Variants in SDC2 observed in about 807,000 individuals in gnomAD.
SDC2 encodes syndecan 2.
A neutral mutation model predicts 22.2 loss-of-function variants in SDC2; 13 were observed. The observed-to-expected ratio is 0.59, with a 90% confidence interval of 0.38 to 0.93. The LOEUF is 0.93. Among genes scored for constraint, SDC2 ranks in the 40% least tolerant of loss-of-function variants. SDC2 has a pLI of 0.00. For missense variants in SDC2, 235 were observed against 246.8 expected (o/e 0.95, Z 0.32); for synonymous variants, 94 against 92.8 (o/e 1.01, Z -0.07).
At chr8:96,524,238 T>C (rs905219281) in intron 1 of SDC2, among the ~76,000 whole-genome samples, 7 of 152,194 alleles carry the variant, frequency 4.6e-5, no homozygotes, top group Non-Finnish European at 5.9e-5. Flanking sequence ...TAAAATAAAA[T>C]TGATGGCTTT....
intron 1 of SDC2, among the ~76,000 whole-genome samples, chr8:96,540,472 C>CT (rs141983982): frequency 0.57 from 82,550 of 145,614 alleles, 25,180 homozygotes; most frequent in Non-Finnish European, 0.7. Context: ...ATCCGAGCTA[C>CT]TGCACTCCAA....
chr8:96,558,898 C>T (rs908814100), intron 1 of SDC2, among the ~76,000 whole-genome samples: 15 of 152,014 alleles, frequency 9.9e-5, no homozygotes, highest in Non-Finnish European at 1.3e-4. Context: ...AAGTGATGCA[C>T]GGTAGTAAAG....
intron 1 of SDC2, among the ~76,000 whole-genome samples, chr8:96,511,038 G>A (rs1019950172): frequency 6.6e-6 from 1 of 152,078 alleles, no homozygotes; most frequent in Admixed American, 6.5e-5. Context: ...ACAGCTCCTC[G>A]GACCTTGTTA....
chr8:96,605,060 C>T (rs767983079), intron 3 of SDC2, among the ~76,000 whole-genome samples: 18 of 152,162 alleles, frequency 1.2e-4, no homozygotes, highest in African/African-American at 2.9e-4. Context: ...CTGGATTGCA[C>T]GCTTTGTTCA....
At chr8:96,602,843 G>A (rs1333393882) in intron 3 of SDC2, among the ~76,000 whole-genome samples, 1 of 152,254 alleles carries the variant, frequency 6.6e-6, no homozygotes, top group East Asian at 1.9e-4. Context: ...AGGAACGTCT[G>A]AAGCCCAGTT....
intron 1 of SDC2, among the ~76,000 whole-genome samples, chr8:96,540,340 G>GTATATATATATATAAATA (rs1813826183): frequency 8.1e-6 from 1 of 123,668 alleles, no homozygotes; most frequent in African/African-American, 3.0e-5. Context: ...ATATATATGT[G>GTATATATATATATAAATA]TATATATATA....
At chr8:96,609,246 A>C in intron 4 of SDC2, 139 bp from the exon 5 acceptor site, 1 of 639,862 alleles carries the variant, frequency 1.6e-6, no homozygotes, top group Admixed American at 3.7e-5. Context: ...AGGTTGCTTC[A>C]TTGAATCCAG....
chr8:96,514,328 A>C (rs910778338), intron 1 of SDC2, among the ~76,000 whole-genome samples: 3 of 152,206 alleles, frequency 2.0e-5, no homozygotes, highest in African/African-American at 4.8e-5. Context: ...GAAGAGAGAC[A>C]GAGGGCCCAC....
intron 3 of SDC2, among the ~76,000 whole-genome samples, chr8:96,603,160 C>A (rs181193584): frequency 1.3e-4 from 20 of 152,284 alleles, no homozygotes; most frequent in African/African-American, 4.6e-4. Context: ...GTTAGCTGAC[C>A]ATCCACTAAT....
intron 1 of SDC2, among the ~76,000 whole-genome samples, chr8:96,580,115 G>A (rs1372037744): frequency 6.6e-6 from 1 of 152,194 alleles, no homozygotes; most frequent in Non-Finnish European, 1.5e-5. Flanking sequence ...TGGGGGCTGC[G>A]CTGCAATGTG....
intron 1 of SDC2, among the ~76,000 whole-genome samples, chr8:96,518,248 T>G (rs1220596423): frequency 2.0e-5 from 3 of 152,162 alleles, no homozygotes; most frequent in Non-Finnish European, 4.4e-5. Context: ...TATTTTAATT[T>G]TTAATGGTAA....
chr8:96,527,755 A>G (rs755720119), intron 1 of SDC2, among the ~76,000 whole-genome samples: 7 of 152,234 alleles, frequency 4.6e-5, no homozygotes, highest in Non-Finnish European at 8.8e-5. Flanking sequence ...AATGGAGTGC[A>G]AGAATTAATG....
In SDC2 at chr8:96,494,241, A is replaced by C. The variant is rs1490180866; in HGVS notation, c.-31A>C. On this transcript the variant is annotated 5_prime_UTR_variant, in exon 1 of 5. Coordinates refer to ENST00000302190, the MANE Select transcript of SDC2 (RefSeq NM_002998.4). ...GCTTCGTTTTGCCCTGGTTGCAAGC[A>C]GCGGCTGGGAGCAGCCGGTCCCTGG... 2.2e-5 allele frequency: 34 copies of C among 1,540,582 alleles called. No homozygotes were observed. The East Asian group carries it at 8.3e-4, about 38-fold the overall frequency.
In SDC2 at chr8:96,593,575, T is replaced by G. The variant is rs1291245952; in HGVS notation, c.156T>G (p.Ala52=). 3.1e-6 allele frequency: 5 copies of G among 1,611,652 alleles called. No individual in the cohort carries two copies. Among genetic ancestry groups the G allele is most frequent in the Non-Finnish European group, 4.2e-6 (5 of 1,177,902 alleles). The part of the protein sequence containing the change: ...GVYPIDDDDY[A]SASGSGADED... Reference sequence around the variant, plus strand: ...ATCCTATTGATGACGATGACTACGCTTCTGCGTCTGGCTCGGGTAAGGTGG... The same window carrying G: ...ATCCTATTGATGACGATGACTACGCGTCTGCGTCTGGCTCGGGTAAGGTGG... Residue 52 remains alanine (A), a synonymous_variant, in exon 2 of 5, where the codon GCT becomes GCG. Transcript: ENST00000302190.
At chr8:96,575,411 T>C (rs1332992837) in intron 1 of SDC2, among the ~76,000 whole-genome samples, 1 of 152,084 alleles carries the variant, frequency 6.6e-6, no homozygotes, top group African/African-American at 2.4e-5. Context: ...GGAGAGTTTC[T>C]GAGATTCAGG....
rs1220674689 is a variant in SDC2 at position 96,540,357 on chromosome 8, A to ATATATATATATATAT, written c.60+46026_60+46027insTATATATATATATAT. Among the ~76,000 whole-genome samples the ATATATATATATATAT allele has an allele frequency of 1.7e-3, 143 of 82,134 alleles. 1 individual carries two copies. The Middle Eastern group carries it at 0.025, about 15-fold the overall frequency. The allele number at this position is 82,134 out of a possible 152,430, so 53.9% of individuals were successfully genotyped here. On this transcript the variant is annotated intron_variant, in intron 1 of 4. Transcript: ENST00000302190. ...ATATATGTGTATATATATATATATAAAAATTAGTCGGGTGTGGCAGTGTTT... is the reference window on the plus strand; with the variant it reads ...ATATATGTGTATATATATATATATAATATATATATATATATAAATTAGTCGGGTGTGGCAGTGTTT...
At chr8:96,596,842 C>T (rs939669767) in intron 2 of SDC2, among the ~76,000 whole-genome samples, 2 of 152,200 alleles carry the variant, frequency 1.3e-5, no homozygotes, top group Non-Finnish European at 2.9e-5. Flanking sequence ...TGGGGACAGA[C>T]TTGGCAGGCT....
At chr8:96,571,366 G>T in intron 1 of SDC2, among the ~76,000 whole-genome samples, 1 of 152,318 alleles carries the variant, frequency 6.6e-6, no homozygotes, top group South Asian at 2.1e-4. Flanking sequence ...GAGGTGGGAT[G>T]AAGTTAGGAT....
At position 96,610,779 on chromosome 8, in the gene SDC2, T is replaced by A. The variant is rs1370459245; in HGVS notation, c.*1231T>A. The A allele has an allele frequency of 6.6e-6, 1 of 152,656 alleles. No individual in the cohort carries two copies. Among genetic ancestry groups the A allele is most frequent in the Non-Finnish European group, 1.5e-5 (1 of 68,030 alleles). The allele number at this position is 152,656 out of a possible 1,614,324, so 9.5% of individuals were successfully genotyped here. A position where few individuals can be genotyped will look rare whatever the true frequency, so the allele number is the denominator to read the frequency against. On this transcript the variant is annotated 3_prime_UTR_variant, in exon 5 of 5. Coordinates refer to ENST00000302190, the MANE Select transcript of SDC2 (RefSeq NM_002998.4). Reference sequence around the variant, plus strand: ...GTCTGTAAATCAAGACCAAAGAGCCTGTCGATGAGACTGTTTATTACCAGA... The same window carrying A: ...GTCTGTAAATCAAGACCAAAGAGCCAGTCGATGAGACTGTTTATTACCAGA...
Sources: gnomAD v4.1 joint callset for allele counts (sites outside exome capture counted in the v4.1 genomes callset) on GRCh38, gnomAD v4.1.1 for gene constraint, MANE v1.5 for transcripts, NCBI Gene and HGNC (gene_info 2026-07-23, HGNC 2026-07-21) for gene names.